The following SAMD12 variants were observed in gnomAD, a reference collection of about 807,000 sequenced individuals.
SAMD12 encodes sterile alpha motif domain-containing protein 12.
SAMD12 carries 9 observed loss-of-function variants against 15.0 expected under a neutral mutation model. The observed-to-expected ratio is 0.60, with a 90% CI of 0.36 to 1.05. The LOEUF (loss-of-function observed/expected upper bound fraction) is 1.05, where lower values mean the gene tolerates loss of function less well. Among genes scored for constraint, SAMD12 ranks in the 50% least tolerant of loss-of-function variants. SAMD12 has a pLI of 0.01. For missense variants in SAMD12, 230 were observed against 234.2 expected (o/e 0.98, Z 0.12); for synonymous variants, 86 against 90.1 (o/e 0.96, Z 0.25).
At chr8:118,291,081 C>T (rs1434498165) in intron 4 of SAMD12, 3 of 152,186 alleles carry the variant, frequency 2.0e-5, no homozygotes, top group African/African-American at 7.2e-5. Context: ...TAATTGTGCC[C>T]AGTTCCTAGT....
At chr8:118,368,571 T>C (rs1404016884) in intron 4 of SAMD12, among the ~76,000 whole-genome samples, 2 of 152,130 alleles carry the variant, frequency 1.3e-5, no homozygotes, top group Non-Finnish European at 2.9e-5. Context: ...AATGAAGAGA[T>C]TCTTAAAAAA....
At chr8:118,267,092 T>C (rs756662042) in intron 4 of SAMD12, among the ~76,000 whole-genome samples, 6 of 152,136 alleles carry the variant, frequency 3.9e-5, no homozygotes, top group Non-Finnish European at 7.4e-5. Context: ...TGTACTAACA[T>C]ATACATTTTG....
At chr8:118,468,968 G>A (rs1285407708) in intron 2 of SAMD12, among the ~76,000 whole-genome samples, 1 of 152,168 alleles carries the variant, frequency 6.6e-6, no homozygotes, top group Non-Finnish European at 1.5e-5. Flanking sequence ...GGATTCTGCT[G>A]GATTTTACTC....
At chr8:118,344,686 G>C (rs866698078) in intron 4 of SAMD12, among the ~76,000 whole-genome samples, 2 of 152,218 alleles carry the variant, frequency 1.3e-5, no homozygotes, top group Non-Finnish European at 2.9e-5. Flanking sequence ...AGCTCGACTA[G>C]ACAGTAAAGT....
chr8:118,199,040 C>A (rs572823809), intron 4 of SAMD12, among the ~76,000 whole-genome samples: 84 of 151,952 alleles, frequency 5.5e-4, no homozygotes, highest in Non-Finnish European at 9.1e-4. Flanking sequence ...AATTACATGG[C>A]CATTAAAATA....
intron 4 of SAMD12, among the ~76,000 whole-genome samples, chr8:118,224,242 A>G (rs533881811): frequency 6.6e-6 from 1 of 152,324 alleles, no homozygotes; most frequent in African/African-American, 2.4e-5. Context: ...AACCTTGACT[A>G]GTAACTCCTT....
At chr8:118,198,567 G>GA (rs1010825660) in intron 4 of SAMD12, among the ~76,000 whole-genome samples, 15 of 150,704 alleles carry the variant, frequency 1.0e-4, no homozygotes, top group Admixed American at 2.0e-4. Context: ...TGATGCAAAA[G>GA]AAAAAAAAAT....
At chr8:118,193,955 C>A (rs112987181) in exon 5 of SAMD12, 1 of 152,104 alleles carries the variant, frequency 6.6e-6, no homozygotes, top group Admixed American at 6.5e-5. Context: ...TAGAGGAAAA[C>A]ATCACAAAGA....
chr8:118,175,048 C>CA, the SAMD12 span, among the ~76,000 whole-genome samples: 51 of 128,152 alleles, frequency 4.0e-4, no homozygotes, highest in South Asian at 1.7e-3. Context: ...AAAAAAAAAA[C>CA]AAAAAAAACA....
intron 4 of SAMD12, among the ~76,000 whole-genome samples, chr8:118,271,248 C>G (rs1271702298): frequency 1.3e-5 from 2 of 152,082 alleles, no homozygotes; most frequent in African/African-American, 4.8e-5. Context: ...CACATGGTAG[C>G]AGGAGAGAGA....
At chr8:118,277,599 AAGC>A (rs1813506631) in intron 4 of SAMD12, among the ~76,000 whole-genome samples, 2 of 152,050 alleles carry the variant, frequency 1.3e-5, no homozygotes, top group South Asian at 4.1e-4. Context: ...AAAAAAAAGA[AAGC>A]AGAATTCTAC....
At chr8:118,388,233 C>T (rs1437099262) in intron 3 of SAMD12, among the ~76,000 whole-genome samples, 1 of 152,152 alleles carries the variant, frequency 6.6e-6, no homozygotes, top group African/African-American at 2.4e-5. Context: ...GCTATACTCG[C>T]CATTTCATGC....
intron 4 of SAMD12, among the ~76,000 whole-genome samples, chr8:118,297,415 G>A (rs1329443146): frequency 6.6e-6 from 1 of 152,166 alleles, no homozygotes; most frequent in African/African-American, 2.4e-5. Flanking sequence ...ATGTTTAAGG[G>A]AAGGTCACGT....
At chr8:118,400,531 A>G (rs1820820683) in intron 3 of SAMD12, 1 of 152,244 alleles carries the variant, frequency 6.6e-6, no homozygotes, top group South Asian at 2.1e-4. Context: ...TCCATACATC[A>G]GGAGACACTT....
In SAMD12 at chr8:118,493,450, C is replaced by T. The variant is rs571382576; in HGVS notation, c.193-53489G>A. On this transcript the variant is annotated intron_variant, in intron 2 of 3. Transcript: ENST00000314727. ...AGGTCCTCATAAATTAAAGGAAGCT[C>T]ATCGTCTGCCTCTACCTCTCCTTAT... 3.9e-5 allele frequency among the ~76,000 whole-genome samples: 6 copies of T among 152,290 alleles called. No homozygotes were observed. The South Asian group carries it at 6.2e-4, about 16-fold the overall frequency.
In SAMD12 at chr8:118,292,370, A is replaced by G. The variant is rs965496572; in HGVS notation, c.433+87190T>C. 7.9e-5 allele frequency among the ~76,000 whole-genome samples: 12 copies of G among 151,626 alleles called. 1 individual carries two copies. Among genetic ancestry groups the G allele is most frequent in the Admixed American group, 1.3e-4 (2 of 15,244 alleles). On this transcript the variant is annotated intron_variant, in intron 4 of 4. Transcript: ENST00000409003. ...CACAGACACACACACACACACACAC[A>G]CACACATATTCCGGAGACCTTGGAT...
At chr8:118,553,080 CA>C (rs1447401082) in intron 2 of SAMD12, among the ~76,000 whole-genome samples, 1 of 151,916 alleles carries the variant, frequency 6.6e-6, no homozygotes, top group Non-Finnish European at 1.5e-5. Context: ...TAGGAAGAAT[CA>C]ATATCGTGAA....
At chr8:118,501,308 C>T (rs1056645589) in intron 2 of SAMD12, among the ~76,000 whole-genome samples, 8 of 152,166 alleles carry the variant, frequency 5.3e-5, no homozygotes, top group South Asian at 4.1e-4. Context: ...TATATAAACT[C>T]GGATAGATTT....
chr8:118,374,097 C>G (rs534107725), downstream of SAMD12, among the ~76,000 whole-genome samples: 1 of 152,018 alleles, frequency 6.6e-6, no homozygotes, highest in Admixed American at 6.6e-5. Flanking sequence ...CACCAGATCT[C>G]TATGAGGTTT....
Sources: allele counts gnomAD v4.1 joint callset (sites outside exome capture counted in the v4.1 genomes callset), GRCh38; gene constraint gnomAD v4.1.1; transcripts MANE v1.5; gene names NCBI Gene and HGNC (gene_info 2026-07-23, HGNC 2026-07-21).